APBA2: variants seen among roughly 807,000 people sequenced by gnomAD.
APBA2 encodes the protein amyloid-beta A4 precursor protein-binding family A member 2.
APBA2 carries 30 observed loss-of-function variants against 75.0 expected under a neutral mutation model. The observed-to-expected ratio is 0.40, with a 90% CI of 0.30 to 0.54. The LOEUF (loss-of-function observed/expected upper bound fraction) is 0.54. Ranked by LOEUF, APBA2 falls within the 20% of genes least tolerant of loss-of-function variation. The pLI, the probability that APBA2 is intolerant of heterozygous loss-of-function variation, is 0.49. For missense variants in APBA2, 801 were observed against 1,016.1 expected (o/e 0.79, Z 2.88); for synonymous variants, 444 against 409.6 (o/e 1.08, Z -1.01).
chr15:28,951,697 G>A (rs2035883224), intron 2 of APBA2, among the ~76,000 whole-genome samples: 1 of 151,830 alleles, frequency 6.6e-6, no homozygotes, highest in Non-Finnish European at 1.5e-5. Context: ...CAACTTTCCC[G>A]CCTCAGCCTC....
At chr15:28,965,006 G>T (rs186742407) in intron 2 of APBA2, among the ~76,000 whole-genome samples, 16 of 151,658 alleles carry the variant, frequency 1.1e-4, no homozygotes, top group African/African-American at 3.6e-4. Context: ...TCCTTTTATG[G>T]ATATTGTGTT....
intron 13 of APBA2, among the ~76,000 whole-genome samples, chr15:29,109,205 G>C (rs2152976408): frequency 6.6e-6 from 1 of 152,272 alleles, no homozygotes; most frequent in East Asian, 1.9e-4. Flanking sequence ...CCACAGTCAG[G>C]AAAGACAGTG....
chr15:28,993,102 A>G (rs1456417500), intron 2 of APBA2, among the ~76,000 whole-genome samples: 2 of 152,170 alleles, frequency 1.3e-5, no homozygotes, highest in Non-Finnish European at 2.9e-5. Context: ...AGGGTTTCCA[A>G]GCCATGTCTG....
At chr15:29,106,566 C>T in intron 11 of APBA2, 41 bp from the exon 12 acceptor site, 1 of 1,609,976 alleles carries the variant, frequency 6.2e-7, no homozygotes, top group Non-Finnish European at 8.5e-7. Context: ...AGGCCTCGGT[C>T]CTTGCCGCCA....
intron 1 of APBA2, among the ~76,000 whole-genome samples, chr15:28,917,554 G>A (rs916298076): frequency 6.6e-6 from 1 of 151,970 alleles, no homozygotes; most frequent in Non-Finnish European, 1.5e-5. Context: ...TGAGCAGAAA[G>A]TTTAGGGAGT....
At chr15:29,093,304 C>G (rs1028285477) in intron 7 of APBA2, 84 bp downstream of exon 7, 6 of 1,550,760 alleles carry the variant, frequency 3.9e-6, no homozygotes, top group Non-Finnish European at 5.2e-6. Flanking sequence ...GGCGTAGGCC[C>G]TCTTCCAGCT....
chr15:29,103,017 C>T (rs1235685219), intron 10 of APBA2, among the ~76,000 whole-genome samples: 1 of 152,220 alleles, frequency 6.6e-6, no homozygotes, highest in Non-Finnish European at 1.5e-5. Flanking sequence ...ATTTCAACAG[C>T]GCACTCACAC....
intron 1 of APBA2, among the ~76,000 whole-genome samples, chr15:28,901,889 T>C (rs1164296180): frequency 7.8e-6 from 1 of 127,676 alleles, no homozygotes; most frequent in Non-Finnish European, 1.7e-5. Context: ...GCCTGGACCC[T>C]GCCCTCGGGG....
chr15:29,039,820 A>G (rs2040943606), intron 3 of APBA2, among the ~76,000 whole-genome samples: 1 of 152,202 alleles, frequency 6.6e-6, no homozygotes, highest in African/African-American at 2.4e-5. Context: ...GCTGTCCAGG[A>G]TGGAGTAAGC....
At chr15:29,081,649 T>G (rs2043086816) in intron 6 of APBA2, among the ~76,000 whole-genome samples, 1 of 152,256 alleles carries the variant, frequency 6.6e-6, no homozygotes, top group African/African-American at 2.4e-5. Context: ...CCCTTTTCCT[T>G]AAATAGACAT....
At chr15:29,073,552 A>T (rs1156594896) in intron 4 of APBA2, among the ~76,000 whole-genome samples, 1 of 152,174 alleles carries the variant, frequency 6.6e-6, no homozygotes, top group Non-Finnish European at 1.5e-5. Context: ...GGGTTTCACC[A>T]TGTTGGCCAG....
intron 6 of APBA2, among the ~76,000 whole-genome samples, chr15:29,088,603 T>G (rs966546714): frequency 1.3e-5 from 2 of 152,214 alleles, no homozygotes; most frequent in Non-Finnish European, 2.9e-5. Context: ...GTTGTCACCC[T>G]GTCCGTACCA....
intron 3 of APBA2, among the ~76,000 whole-genome samples, chr15:29,014,917 A>G (rs967209242): frequency 4.0e-5 from 6 of 151,660 alleles, no homozygotes; most frequent in Admixed American, 1.3e-4. Flanking sequence ...TTTTCCTGTC[A>G]CCTCTCTTTT....
At chr15:28,959,589 C>T (rs541044679) in intron 2 of APBA2, among the ~76,000 whole-genome samples, 6 of 152,274 alleles carry the variant, frequency 3.9e-5, no homozygotes, top group African/African-American at 9.6e-5. Context: ...GACTTCCAGT[C>T]GCCAGAACTG....
intron 2 of APBA2, among the ~76,000 whole-genome samples, chr15:28,955,311 T>G (rs941713894): frequency 1.3e-5 from 2 of 152,052 alleles, no homozygotes; most frequent in African/African-American, 4.8e-5. Context: ...CCCAGCAGTC[T>G]GTAAGCCACA....
intron 3 of APBA2, among the ~76,000 whole-genome samples, chr15:29,026,772 T>C (rs540203572): frequency 1.8e-4 from 26 of 140,888 alleles, no homozygotes; most frequent in Non-Finnish European, 3.0e-4. Context: ...AAAAAAAAAA[T>C]TAGCTGGGCA....
chr15:29,083,520 A>C (rs1177152365), intron 6 of APBA2, among the ~76,000 whole-genome samples: 1 of 152,022 alleles, frequency 6.6e-6, no homozygotes, highest in Non-Finnish European at 1.5e-5. Context: ...TATTCACTGC[A>C]AACTCTTTTG....
At chr15:28,916,176 C>T (rs1177224559) in intron 1 of APBA2, among the ~76,000 whole-genome samples, 2 of 152,228 alleles carry the variant, frequency 1.3e-5, no homozygotes, top group African/African-American at 4.8e-5. Flanking sequence ...TGCCCTGGGG[C>T]GTGCTTACGT....
intron 4 of APBA2, among the ~76,000 whole-genome samples, chr15:29,074,247 C>T (rs1488438636): frequency 6.6e-6 from 1 of 152,148 alleles, no homozygotes; most frequent in Admixed American, 6.5e-5. Flanking sequence ...ACCCAAGTGT[C>T]CATCAATAGA....
Sources: allele counts gnomAD v4.1 joint callset (sites outside exome capture counted in the v4.1 genomes callset), GRCh38; gene constraint gnomAD v4.1.1; transcripts MANE v1.5; gene names NCBI Gene and HGNC (gene_info 2026-07-23, HGNC 2026-07-21).